ODAD2: variants seen among roughly 807,000 people sequenced by gnomAD.
ODAD2 encodes outer dynein arm-docking complex subunit 2.
In ODAD2, 89 loss-of-function variants were observed where a neutral mutation model predicts 106.8. The ratio of observed to expected loss-of-function variants is 0.83; its 90% CI spans 0.70 to 0.99. ODAD2 has a LOEUF of 0.99. Among genes scored for constraint, ODAD2 ranks in the 50% least tolerant of loss-of-function variants. The pLI, the probability that ODAD2 is intolerant of heterozygous loss-of-function variation, is 0.00. For synonymous variants in ODAD2, 404 were observed against 436.2 expected (o/e 0.93, Z 0.92); for missense variants, 1,168 against 1,238.5 (o/e 0.94, Z 0.85).
intron 16 of ODAD2, among the ~76,000 whole-genome samples, chr10:27,919,791 T>C (rs76940048): frequency 3.3e-5 from 5 of 152,126 alleles, no homozygotes; most frequent in African/African-American, 9.7e-5. Flanking sequence ...AATACTAATC[T>C]ATAGTAATGG....
At chr10:27,934,124 T>C (rs1344759497) in intron 16 of ODAD2, among the ~76,000 whole-genome samples, 1 of 152,200 alleles carries the variant, frequency 6.6e-6, no homozygotes, top group Admixed American at 6.5e-5. Flanking sequence ...CCTGCCACCA[T>C]GTAAGATGTG....
Position 27,927,602 on chromosome 10 carries a change from A to G in ODAD2, c.2495+7408T>C, listed in dbSNP as rs940743918. Among the ~76,000 whole-genome samples, 3 of 152,178 alleles carry G rather than the reference A, an allele frequency of 2.0e-5. No homozygotes were observed. The East Asian group carries it at 5.8e-4, about 29-fold the overall frequency. On this transcript the variant is annotated intron_variant, in intron 16 of 19. Transcript: ENST00000305242. ...TATGTTCACAGGTACAAAAGGATTC[A>G]CTAACCTCCTTGTTGCACAAAAAAG...
chr10:27,843,046 G>A (rs1838426698), intron 19 of ODAD2, among the ~76,000 whole-genome samples: 2 of 152,280 alleles, frequency 1.3e-5, no homozygotes, highest in South Asian at 2.1e-4. Context: ...GATAAGTGCT[G>A]TATGATTTGT....
At chr10:27,991,521 G>T (rs1850237926) in intron 2 of ODAD2, among the ~76,000 whole-genome samples, 1 of 152,120 alleles carries the variant, frequency 6.6e-6, no homozygotes, top group Non-Finnish European at 1.5e-5. Context: ...TCTATTGACT[G>T]TTGCCCACAG....
chr10:27,999,084 T>A (rs2133261740), upstream of ODAD2: 1 of 152,576 alleles, frequency 6.6e-6, no homozygotes, highest in South Asian at 2.0e-4. Context: ...CGCGCTGGGT[T>A]CCACCCGCCC....
At chr10:27,898,747 T>C (rs1480551915) in intron 17 of ODAD2, among the ~76,000 whole-genome samples, 1 of 152,198 alleles carries the variant, frequency 6.6e-6, no homozygotes, top group Admixed American at 6.5e-5. Context: ...TGATATGTAT[T>C]GATATTGACG....
intron 19 of ODAD2, among the ~76,000 whole-genome samples, chr10:27,830,845 T>C (rs1837420837): frequency 6.6e-6 from 1 of 152,248 alleles, no homozygotes; most frequent in Admixed American, 6.5e-5. Flanking sequence ...ATGCCAATAC[T>C]TATTTTGTGT....
intron 17 of ODAD2, among the ~76,000 whole-genome samples, chr10:27,899,116 A>G (rs151097323): frequency 6.6e-6 from 1 of 151,900 alleles, no homozygotes; most frequent in African/African-American, 2.4e-5. Flanking sequence ...TACCCATCTC[A>G]TCTCATTGGG....
intron 17 of ODAD2, among the ~76,000 whole-genome samples, chr10:27,867,898 G>T (rs1442759092): frequency 6.6e-6 from 1 of 151,534 alleles, no homozygotes; most frequent in Admixed American, 6.6e-5. Flanking sequence ...ACAGTGAGCT[G>T]AGATCACTCC....
chr10:27,978,965 T>C (rs1849363397), intron 7 of ODAD2, among the ~76,000 whole-genome samples: 1 of 151,834 alleles, frequency 6.6e-6, no homozygotes, highest in Non-Finnish European at 1.5e-5. Flanking sequence ...ATCCCAGCAC[T>C]TTGGGAGGCC....
chr10:27,861,318 C>T (rs1840026146), intron 18 of ODAD2, among the ~76,000 whole-genome samples: 1 of 152,126 alleles, frequency 6.6e-6, no homozygotes, highest in African/African-American at 2.4e-5. Flanking sequence ...TGGTGGGTCA[C>T]CAACAGACCA....
chr10:27,994,824 A>G (rs1850454047), intron 2 of ODAD2, 95 bp downstream of exon 2: 3 of 1,359,546 alleles, frequency 2.2e-6, no homozygotes, highest in East Asian at 5.0e-5. Flanking sequence ...TCTGAGGTTC[A>G]GAGAGGTTAG....
At chr10:27,946,718 G>T (rs1846955662) in intron 10 of ODAD2, among the ~76,000 whole-genome samples, 1 of 152,108 alleles carries the variant, frequency 6.6e-6, no homozygotes, top group South Asian at 2.1e-4. Flanking sequence ...CACAGAAAAT[G>T]GAAATTACAT....
intron 7 of ODAD2, among the ~76,000 whole-genome samples, chr10:27,976,628 T>C (rs1849207559): frequency 6.6e-6 from 1 of 152,154 alleles, no homozygotes; most frequent in Admixed American, 6.5e-5. Context: ...CATACTATGT[T>C]CATGGATTAG....
At chr10:27,931,659 C>A (rs1424546697) in intron 16 of ODAD2, among the ~76,000 whole-genome samples, 1 of 150,658 alleles carries the variant, frequency 6.6e-6, no homozygotes, top group Non-Finnish European at 1.5e-5. Context: ...GTCAATAAAT[C>A]TAATACTTGC....
At chr10:27,928,678 T>A (rs1277133831) in intron 16 of ODAD2, among the ~76,000 whole-genome samples, 3 of 152,124 alleles carry the variant, frequency 2.0e-5, no homozygotes, top group Non-Finnish European at 4.4e-5. Flanking sequence ...AGAAACACAA[T>A]CAAGAGGCAA....
chr10:27,924,024 AGG>A (rs1845042675), intron 16 of ODAD2, among the ~76,000 whole-genome samples: 21 of 107,588 alleles, frequency 2.0e-4, no homozygotes, highest in East Asian at 9.5e-4. Context: ...GAAAGAAAGA[AGG>A]AAAGAGAAAG....
chr10:27,908,126 C>T (rs1843731719), intron 16 of ODAD2, among the ~76,000 whole-genome samples: 1 of 152,052 alleles, frequency 6.6e-6, no homozygotes, highest in Admixed American at 6.6e-5. Flanking sequence ...CTTTCCAAAA[C>T]AAATATTTAT....
At chr10:27,988,098 A>C (rs896649202) in intron 2 of ODAD2, among the ~76,000 whole-genome samples, 4 of 150,758 alleles carry the variant, frequency 2.7e-5, no homozygotes, top group Non-Finnish European at 5.9e-5. Context: ...CCTTGGGATA[A>C]TAGGCAGTTT....
Sources: gnomAD v4.1 joint callset for allele counts (sites outside exome capture counted in the v4.1 genomes callset) on GRCh38, gnomAD v4.1.1 for gene constraint, MANE v1.5 for transcripts, NCBI Gene and HGNC (gene_info 2026-07-23, HGNC 2026-07-21) for gene names.